Variants in MYO9A observed in about 807,000 individuals in gnomAD.
The protein encoded by MYO9A is unconventional myosin-IXa.
A neutral mutation model predicts 293.3 loss-of-function variants in MYO9A; 103 were observed. The observed-to-expected ratio is 0.35, with a 90% confidence interval of 0.30 to 0.41. The LOEUF is 0.41. MYO9A is among the 10% of genes least tolerant of loss of function. The probability of loss-of-function intolerance (pLI) is 1.00; values close to 1 mark genes in which losing one functional copy is unlikely to be tolerated. For missense variants in MYO9A, 2,685 were observed against 3,033.0 expected (o/e 0.89, Z 2.69); for synonymous variants, 1,001 against 1,035.7 (o/e 0.97, Z 0.64).
chr15:71,838,965 T>C (rs1426669226), intron 39 of MYO9A, among the ~76,000 whole-genome samples: 1 of 152,238 alleles, frequency 6.6e-6, no homozygotes, highest in Admixed American at 6.5e-5. Context: ...TTCTGAATTG[T>C]ACAATGAGAT....
intron 1 of MYO9A, among the ~76,000 whole-genome samples, chr15:72,103,226 A>AAGCAGCAGCAGAAGC (rs1166562648): frequency 2.0e-5 from 3 of 151,020 alleles, no homozygotes; most frequent in South Asian, 4.2e-4. Context: ...GCAGAAGCAG[A>AAGCAGCAGCAGAAGC]AGCAGCAGCA....
chr15:71,947,500 C>T (rs1435003346), intron 15 of MYO9A, among the ~76,000 whole-genome samples: 2 of 152,042 alleles, frequency 1.3e-5, no homozygotes, highest in African/African-American at 4.8e-5. Context: ...TCTTTCAGAT[C>T]AAAAAACTTC....
At chr15:71,988,892 T>G (rs937968847) in intron 11 of MYO9A, among the ~76,000 whole-genome samples, 2 of 152,166 alleles carry the variant, frequency 1.3e-5, no homozygotes, top group Non-Finnish European at 2.9e-5. Context: ...TCATGGAAAC[T>G]GAAAGCCCAC....
chr15:72,004,191 G>GT (rs1304412780), intron 8 of MYO9A, among the ~76,000 whole-genome samples: 1 of 152,094 alleles, frequency 6.6e-6, no homozygotes, highest in African/African-American at 2.4e-5. Flanking sequence ...TACAGAACAA[G>GT]TAGCAATGGG....
intron 2 of MYO9A, among the ~76,000 whole-genome samples, chr15:72,039,273 A>G (rs1262884523): frequency 6.6e-6 from 1 of 152,094 alleles, no homozygotes; most frequent in Admixed American, 6.5e-5. Flanking sequence ...TACCATCCAT[A>G]CTTTTCAAGT....
chr15:72,019,737 AAAGGTAT>A (rs1351076831), intron 5 of MYO9A, among the ~76,000 whole-genome samples: 1 of 152,186 alleles, frequency 6.6e-6, no homozygotes, highest in African/African-American at 2.4e-5. Context: ...GGAGAAAGCC[AAAGGTAT>A]AACTTTCTTT....
At chr15:71,887,970 T>A (rs932259358) in intron 27 of MYO9A, 34 bp downstream of exon 27, 2 of 1,222,144 alleles carry the variant, frequency 1.6e-6, no homozygotes, top group African/African-American at 3.1e-5. Flanking sequence ...AATAAAATTA[T>A]ATAACCCCTG....
At chr15:72,078,417 G>C (rs2079437547) in intron 1 of MYO9A, among the ~76,000 whole-genome samples, 1 of 152,116 alleles carries the variant, frequency 6.6e-6, no homozygotes, top group Non-Finnish European at 1.5e-5. Context: ...CCTTGAACCA[G>C]AAAGATAGAG....
At chr15:71,992,794 T>C (rs2076577762) in intron 10 of MYO9A, among the ~76,000 whole-genome samples, 1 of 151,380 alleles carries the variant, frequency 6.6e-6, no homozygotes, top group Admixed American at 6.6e-5. Context: ...AGTCTAAACA[T>C]AAAAAAATTA....
chr15:71,880,716 G>A (rs933765190), intron 28 of MYO9A, among the ~76,000 whole-genome samples, 158 bp from the exon 29 acceptor site: 6 of 152,172 alleles, frequency 3.9e-5, no homozygotes, highest in African/African-American at 1.4e-4. Flanking sequence ...AGGCAGCTAA[G>A]CAATAAATCC....
intron 1 of MYO9A, among the ~76,000 whole-genome samples, chr15:72,101,657 G>A (rs1271268546): frequency 3.1e-5 from 4 of 127,474 alleles, no homozygotes; most frequent in Admixed American, 7.9e-5. Context: ...GTCAGGCCCC[G>A]CCCGGCCAGC....
At chr15:71,862,437 ACAACT>A in intron 33 of MYO9A, 58 bp downstream of exon 33, 1 of 1,287,838 alleles carries the variant, frequency 7.8e-7, no homozygotes, top group Non-Finnish European at 1.1e-6. Context: ...GAGATATAAG[ACAACT>A]CAAGGAAACA....
chr15:71,935,130 G>A lies in MYO9A; in HGVS notation c.2522+211C>T, dbSNP rs2306489. The A allele has an allele frequency of 0.69, 314,363 of 457,180 alleles. 111,034 individuals are homozygous for A. The highest frequency in any genetic ancestry group is 0.74 in the Non-Finnish European group (194,438 of 263,432). 28.3% of individuals were successfully genotyped at this position (457,180 alleles called of 1,614,324 possible). The stretch of plus-strand genomic sequence containing the variant: ...TCATGATTCTCCTGGTAATATGGGG[G>A]AGAAAAATCAACAAAAACACAAGCT... On this transcript the variant is annotated intron_variant, in intron 17 of 41. Transcript: ENST00000356056.
At chr15:71,997,773 C>A (rs911560996) in intron 9 of MYO9A, among the ~76,000 whole-genome samples, 1 of 152,148 alleles carries the variant, frequency 6.6e-6, no homozygotes, top group East Asian at 1.9e-4. Context: ...CAATGAGATA[C>A]CATCTCACGT....
intron 18 of MYO9A, among the ~76,000 whole-genome samples, chr15:71,926,951 C>T (rs547603740): frequency 4.0e-5 from 6 of 151,794 alleles, no homozygotes; most frequent in African/African-American, 7.2e-5. Context: ...GTAGGGACAG[C>T]GTCATCAGGG....
intron 19 of MYO9A, among the ~76,000 whole-genome samples, chr15:71,905,569 T>C (rs1283063861): frequency 6.6e-6 from 1 of 151,974 alleles, no homozygotes; most frequent in African/African-American, 2.4e-5. Context: ...CAGGATCACC[T>C]GAGGTCAGAA....
chr15:72,009,608 G>A (rs576786336), intron 7 of MYO9A, among the ~76,000 whole-genome samples: 3 of 152,078 alleles, frequency 2.0e-5, no homozygotes, highest in East Asian at 3.9e-4. Context: ...CAACTTCTTG[G>A]GAAGTTGAGG....
intron 26 of MYO9A, chr15:71,888,750 T>C (rs535143282): frequency 2.6e-5 from 4 of 152,366 alleles, no homozygotes; most frequent in African/African-American, 9.6e-5. Context: ...GAATTTCTTG[T>C]TATCTATTCA....
chr15:72,071,100 C>T (rs2079175746), intron 1 of MYO9A, among the ~76,000 whole-genome samples: 1 of 152,162 alleles, frequency 6.6e-6, no homozygotes, highest in African/African-American at 2.4e-5. Flanking sequence ...AAAATATCCA[C>T]AGAGTAAACA....
Sources: allele counts gnomAD v4.1 joint callset (sites outside exome capture counted in the v4.1 genomes callset), GRCh38; gene constraint gnomAD v4.1.1; transcripts MANE v1.5; gene names NCBI Gene and HGNC (gene_info 2026-07-23, HGNC 2026-07-21).